NDUFAF2: variants seen among roughly 807,000 people sequenced by gnomAD.
The protein encoded by NDUFAF2 is NADH dehydrogenase [ubiquinone] 1 alpha subcomplex assembly factor 2.
NDUFAF2 carries 13 observed loss-of-function variants against 22.8 expected under a neutral mutation model. That is an observed-to-expected ratio of 0.57 (90% CI 0.37 to 0.91). The LOEUF is 0.91. Ranked by LOEUF, NDUFAF2 falls within the 40% of genes least tolerant of loss-of-function variation. NDUFAF2 has a pLI of 0.01. For synonymous variants in NDUFAF2, 53 were observed against 64.2 expected (o/e 0.83, Z 0.84); for missense variants, 162 against 195.2 (o/e 0.83, Z 1.01).
chr5:61,070,761 T>C (rs1334381478), intron 1 of NDUFAF2, among the ~76,000 whole-genome samples: 1 of 152,174 alleles, frequency 6.6e-6, no homozygotes, highest in African/African-American at 2.4e-5. Flanking sequence ...GTAGTATATA[T>C]GCATTTAGTA....
At chr5:60,986,496 A>C (rs965268131) in intron 1 of NDUFAF2, among the ~76,000 whole-genome samples, 2 of 152,204 alleles carry the variant, frequency 1.3e-5, no homozygotes, top group Admixed American at 6.5e-5. Flanking sequence ...TTCTGGCACT[A>C]TACACTCACA....
At chr5:61,067,206 C>T (rs1005504178) in intron 1 of NDUFAF2, among the ~76,000 whole-genome samples, 8 of 151,714 alleles carry the variant, frequency 5.3e-5, no homozygotes, top group Non-Finnish European at 7.4e-5. Flanking sequence ...ATGTGCACAA[C>T]GTGCAGGTTT....
intron 1 of NDUFAF2, among the ~76,000 whole-genome samples, chr5:60,968,689 A>G (rs1750789528): frequency 6.6e-6 from 1 of 152,052 alleles, no homozygotes; most frequent in South Asian, 2.1e-4. Flanking sequence ...CACCTCAAGC[A>G]TTCATCTGTA....
At chr5:61,079,038 GGAGGAGGCAGAAAGGCCCTGATCC>G (rs1444763049) in intron 2 of NDUFAF2, among the ~76,000 whole-genome samples, 1 of 152,102 alleles carries the variant, frequency 6.6e-6, no homozygotes, top group Non-Finnish European at 1.5e-5. Flanking sequence ...GAATATAGTT[GGAGGAGGCAGAAAGGCCCTGATCC>G]AGTTAAGCTT....
At chr5:61,045,821 G>T (rs1453725863) in intron 1 of NDUFAF2, among the ~76,000 whole-genome samples, 3 of 151,842 alleles carry the variant, frequency 2.0e-5, no homozygotes, top group Non-Finnish European at 4.4e-5. Flanking sequence ...TATTTTTCTT[G>T]TCTACTTGTT....
chr5:61,017,964 C>A (rs987149104), intron 1 of NDUFAF2, among the ~76,000 whole-genome samples: 3 of 152,088 alleles, frequency 2.0e-5, no homozygotes, highest in Non-Finnish European at 4.4e-5. Context: ...GTTGGCCAGG[C>A]TGATCTTGAA....
chr5:60,948,536 A>G (rs1007919722), intron 1 of NDUFAF2, among the ~76,000 whole-genome samples: 7 of 146,274 alleles, frequency 4.8e-5, no homozygotes, highest in Non-Finnish European at 7.5e-5. Flanking sequence ...GTGGAAGCAT[A>G]CAGCACATAT....
chr5:61,130,310 TGCTCTG>T (rs1753093064), intron 3 of NDUFAF2, among the ~76,000 whole-genome samples: 1 of 152,096 alleles, frequency 6.6e-6, no homozygotes, highest in African/African-American at 2.4e-5. Flanking sequence ...ACTTTTGGGG[TGCTCTG>T]GCATCACAAG....
At chr5:61,056,267 C>T (rs1330585674) in intron 1 of NDUFAF2, among the ~76,000 whole-genome samples, 2 of 152,206 alleles carry the variant, frequency 1.3e-5, no homozygotes, top group South Asian at 2.1e-4. Context: ...TTTGGAGACC[C>T]CCATCTTAAA....
At chr5:61,033,758 G>A (rs1340631249) in intron 1 of NDUFAF2, among the ~76,000 whole-genome samples, 5 of 152,088 alleles carry the variant, frequency 3.3e-5, no homozygotes, top group South Asian at 2.1e-4. Context: ...GGGATAAACC[G>A]AAGCTGTACT....
chr5:60,951,908 A>G (rs1297989312), intron 1 of NDUFAF2, among the ~76,000 whole-genome samples: 1 of 151,818 alleles, frequency 6.6e-6, no homozygotes, highest in African/African-American at 2.4e-5. Context: ...TGGCAGGTAT[A>G]AGACTACTCA....
intron 1 of NDUFAF2, among the ~76,000 whole-genome samples, chr5:61,030,102 G>C (rs1449310770): frequency 6.6e-6 from 1 of 152,086 alleles, no homozygotes; most frequent in Admixed American, 6.6e-5. Context: ...AAGACATTCA[G>C]TTGTCACAAG....
intron 1 of NDUFAF2, among the ~76,000 whole-genome samples, chr5:60,951,559 T>C (rs1750549195): frequency 6.6e-6 from 1 of 152,226 alleles, no homozygotes; most frequent in African/African-American, 2.4e-5. Context: ...TAAACTCCAC[T>C]TGGTCATGAT....
intron 1 of NDUFAF2, among the ~76,000 whole-genome samples, chr5:60,957,185 T>C (rs966862109): frequency 1.3e-5 from 2 of 152,134 alleles, no homozygotes; most frequent in African/African-American, 2.4e-5. Flanking sequence ...GTAGAGAGAA[T>C]GAGAAAGCAA....
intron 2 of NDUFAF2, among the ~76,000 whole-genome samples, chr5:61,098,008 C>G (rs940963299): frequency 6.6e-6 from 1 of 152,146 alleles, no homozygotes; most frequent in Non-Finnish European, 1.5e-5. Context: ...TTCTCACAGT[C>G]TCCTATACAA....
intron 1 of NDUFAF2, among the ~76,000 whole-genome samples, chr5:60,961,392 G>A (rs890070162): frequency 6.6e-5 from 10 of 151,952 alleles, no homozygotes; most frequent in Admixed American, 1.3e-4. Flanking sequence ...TCAGGAGATC[G>A]AGACCATCCT....
Position 60,979,004 on chromosome 5 carries a change from C to A in NDUFAF2, c.127+33622C>A, listed in dbSNP as rs1172254906. On this transcript the variant is annotated intron_variant, in intron 1 of 3. Transcript: ENST00000296597. ...AGTAGATAGAGGACCAGGCAGAGTT[C>A]TGAGACCTCCATTTCAGGTTTTAGC... Among the ~76,000 whole-genome samples the A allele has an allele frequency of 2.0e-5, 3 of 152,182 alleles. No homozygotes were observed. The East Asian group carries it at 5.8e-4, about 29-fold the overall frequency.
At chr5:61,145,347 G>C (rs1444049220) in intron 3 of NDUFAF2, among the ~76,000 whole-genome samples, 1 of 152,060 alleles carries the variant, frequency 6.6e-6, no homozygotes, top group Non-Finnish European at 1.5e-5. Context: ...CTTGTTAAAG[G>C]CATTTAGATC....
At position 61,035,422 on chromosome 5, in the gene NDUFAF2, CTGTTTTTTTT is replaced by C. The variant is rs1427470372; in HGVS notation, c.128-37701_128-37692del. Among the ~76,000 whole-genome samples the C allele has an allele frequency of 6.4e-5, 4 of 62,554 alleles. No homozygotes were observed. The East Asian group carries it at 1.6e-3, about 25-fold the overall frequency. 41.0% of individuals were successfully genotyped at this position (62,554 alleles called of 152,430 possible). A position where few individuals can be genotyped will look rare whatever the true frequency, so the allele number is the denominator to read the frequency against. ...AAGACAACTCTCTTTCTCTCTTGCT[CTGTTTTTTTT>C]TTTTTTTTTTTTTTTTTTTTGGTAA... On this transcript the variant is annotated intron_variant, in intron 1 of 3. Transcript: ENST00000296597.
Sources: allele counts gnomAD v4.1 joint callset (sites outside exome capture counted in the v4.1 genomes callset), GRCh38; gene constraint gnomAD v4.1.1; transcripts MANE v1.5; gene names NCBI Gene and HGNC (gene_info 2026-07-23, HGNC 2026-07-21).